Variants in ZBTB41 observed in about 807,000 individuals in gnomAD.
The protein encoded by ZBTB41 is zinc finger and BTB domain containing 41.
In ZBTB41, 42 loss-of-function variants were observed where a neutral mutation model predicts 87.6. The ratio of observed to expected loss-of-function variants is 0.48; its 90% CI spans 0.37 to 0.62. ZBTB41 has a LOEUF of 0.62. Among genes scored for constraint, ZBTB41 ranks in the 20% least tolerant of loss-of-function variants. The pLI, the probability that ZBTB41 is intolerant of heterozygous loss-of-function variation, is 0.00. For synonymous variants in ZBTB41, 364 were observed against 364.0 expected (o/e 1.00, Z 0.00); for missense variants, 799 against 1,078.9 (o/e 0.74, Z 3.63).
intron 8 of ZBTB41, among the ~76,000 whole-genome samples, chr1:197,176,194 C>T (rs1255633248): frequency 6.6e-6 from 1 of 151,954 alleles, no homozygotes; most frequent in Non-Finnish European, 1.5e-5. Context: ...GTTTCACCAA[C>T]TTCTTCTCAA....
chr1:197,181,204 C>T, intron 5 of ZBTB41, 87 bp from the exon 6 acceptor site: 1 of 1,260,542 alleles, frequency 7.9e-7, no homozygotes, highest in Non-Finnish European at 1.1e-6. Flanking sequence ...AAGTTCATGC[C>T]TATCCTATTG....
chr1:197,162,789 G>T (rs1176006394), intron 10 of ZBTB41, among the ~76,000 whole-genome samples: 1 of 152,160 alleles, frequency 6.6e-6, no homozygotes, highest in Non-Finnish European at 1.5e-5. Flanking sequence ...TTCAGAGTCA[G>T]TCTATGAGGA....
intron 5 of ZBTB41, among the ~76,000 whole-genome samples, chr1:197,187,396 G>T (rs1659911520): frequency 6.6e-6 from 1 of 152,122 alleles, no homozygotes; most frequent in Non-Finnish European, 1.5e-5. Flanking sequence ...TTCCAGGATG[G>T]CCCAGGATAC....
intron 2 of ZBTB41, among the ~76,000 whole-genome samples, chr1:197,194,424 T>A (rs576653774): frequency 6.6e-6 from 1 of 152,162 alleles, no homozygotes; most frequent in Non-Finnish European, 1.5e-5. Flanking sequence ...GCTGAAAAGA[T>A]GTTAAATTAA....
chr1:197,166,276 G>A (rs887591695), intron 10 of ZBTB41, among the ~76,000 whole-genome samples: 2 of 151,938 alleles, frequency 1.3e-5, no homozygotes, highest in African/African-American at 4.8e-5. Flanking sequence ...TCAACAAAGA[G>A]AAAAATCAGC....
intron 3 of ZBTB41, among the ~76,000 whole-genome samples, chr1:197,191,052 T>A (rs1192544400): frequency 6.6e-6 from 1 of 152,072 alleles, no homozygotes; most frequent in Admixed American, 6.6e-5. Flanking sequence ...TATACCTGAT[T>A]TTTTTTAGTC....
At chr1:197,174,796 T>A (rs1309061137) in intron 9 of ZBTB41, among the ~76,000 whole-genome samples, 1 of 151,976 alleles carries the variant, frequency 6.6e-6, no homozygotes, top group Non-Finnish European at 1.5e-5. Flanking sequence ...TATTGTTAAC[T>A]TGCATGTCAC....
intron 5 of ZBTB41, among the ~76,000 whole-genome samples, chr1:197,185,122 T>C (rs1190154999): frequency 6.6e-6 from 1 of 152,206 alleles, no homozygotes. Flanking sequence ...CCTAACTTTG[T>C]ATTTATTCTT....
At chr1:197,197,758 T>A (rs1660205726) in intron 2 of ZBTB41, among the ~76,000 whole-genome samples, 1 of 152,180 alleles carries the variant, frequency 6.6e-6, no homozygotes, top group African/African-American at 2.4e-5. Flanking sequence ...AAATACTGGG[T>A]TAAGCAAAAT....
intron 5 of ZBTB41, among the ~76,000 whole-genome samples, chr1:197,183,876 C>T (rs933825827): frequency 1.3e-5 from 2 of 152,164 alleles, no homozygotes; most frequent in African/African-American, 4.8e-5. Context: ...AGTTCAACCA[C>T]TTCTGAAGAA....
At chr1:197,183,852 C>T (rs1490986169) in intron 5 of ZBTB41, among the ~76,000 whole-genome samples, 3 of 152,144 alleles carry the variant, frequency 2.0e-5, no homozygotes, top group Non-Finnish European at 4.4e-5. Flanking sequence ...CTTAACAAGT[C>T]ATAAAAATCT....
chr1:197,185,487 T>C (rs1659859299), intron 5 of ZBTB41, among the ~76,000 whole-genome samples: 1 of 151,990 alleles, frequency 6.6e-6, no homozygotes, highest in South Asian at 2.1e-4. Context: ...CCTTGAAAAA[T>C]TATCTTTTTC....
intron 5 of ZBTB41, among the ~76,000 whole-genome samples, chr1:197,183,744 C>T (rs534366074): frequency 8.5e-5 from 13 of 152,236 alleles, no homozygotes; most frequent in East Asian, 5.8e-4. Flanking sequence ...GTATATTTTC[C>T]GCCATGAACA....
chr1:197,187,648 A>C lies in ZBTB41; in HGVS notation c.1546+644T>G, dbSNP rs189003645. ...TCCACAGTTGGCTGAATCCACAGAC[A>C]TGGCACTTATAGATATGGAGGGCCA... On this transcript the variant is annotated intron_variant, in intron 5 of 10. Transcript: ENST00000367405. Among the ~76,000 whole-genome samples, 33 of 152,194 alleles carry C rather than the reference A, an allele frequency of 2.2e-4. 1 individual carries two copies. The East Asian group carries it at 6.2e-3, about 28-fold the overall frequency.
chr1:197,178,282 G>C, intron 7 of ZBTB41, 135 bp downstream of exon 7: 1 of 477,370 alleles, frequency 2.1e-6, no homozygotes, highest in Non-Finnish European at 3.5e-6. Context: ...AATCTATGCA[G>C]TAAAGTTTTT....
In ZBTB41 at chr1:197,200,171, T is replaced by C; in HGVS notation, c.303A>G (p.Ala101=). ...TGCCGACAGCAACGACTACTTTATG[T>C]GCACTAAATTCTTTTCCTTCCACTA... ...LIIVEGKEFS[A]HKVVVAVGSS... The change falls in exon 2 of 11, where the codon GCA becomes GCG. Residue 101 remains alanine, a synonymous_variant. Transcript: ENST00000367405. 6.2e-7 allele frequency: 1 copy of C among 1,613,958 alleles called. No homozygotes were observed. Among genetic ancestry groups the C allele is most frequent in the Non-Finnish European group, 8.5e-7 (1 of 1,180,016 alleles).
At chr1:197,193,138 G>A (rs747415141) in intron 2 of ZBTB41, among the ~76,000 whole-genome samples, 75 of 152,214 alleles carry the variant, frequency 4.9e-4, no homozygotes, top group East Asian at 3.9e-4. Flanking sequence ...TTAGTTGCGC[G>A]ATTTTAATCA....
chr1:197,192,635 C>T (rs927764352), intron 2 of ZBTB41, among the ~76,000 whole-genome samples: 3 of 151,900 alleles, frequency 2.0e-5, no homozygotes, highest in Admixed American at 6.6e-5. Flanking sequence ...GAAAATAAAT[C>T]AACATGAAAG....
At chr1:197,160,156 G>A (rs1659164446) in intron 10 of ZBTB41, 142 bp from the exon 11 acceptor site, 1 of 645,070 alleles carries the variant, frequency 1.6e-6, no homozygotes. Context: ...ACAAAATGCA[G>A]ACAGTACAAT....
Sources: allele counts gnomAD v4.1 joint callset (sites outside exome capture counted in the v4.1 genomes callset), GRCh38; gene constraint gnomAD v4.1.1; transcripts MANE v1.5; gene names NCBI Gene and HGNC (gene_info 2026-07-23, HGNC 2026-07-21).